The following TTLL9 variants were observed in gnomAD, a reference collection of about 807,000 sequenced individuals.
TTLL9 encodes the protein tubulin tyrosine ligase like 9.
A neutral mutation model predicts 65.6 loss-of-function variants in TTLL9; 47 were observed. The observed-to-expected ratio is 0.72, with a 90% CI of 0.57 to 0.91. The LOEUF (loss-of-function observed/expected upper bound fraction) is 0.91, where lower values mean the gene tolerates loss of function less well. Among genes scored for constraint, TTLL9 ranks in the 40% least tolerant of loss-of-function variants. The probability of loss-of-function intolerance (pLI) is 0.00; values close to 1 mark genes in which losing one functional copy is unlikely to be tolerated. For missense variants in TTLL9, 537 were observed against 568.8 expected (o/e 0.94, Z 0.57); for synonymous variants, 179 against 204.8 (o/e 0.87, Z 1.07).
chr20:31,905,097 G>A (rs757610569), intron 4 of TTLL9, among the ~76,000 whole-genome samples: 4 of 152,096 alleles, frequency 2.6e-5, no homozygotes, highest in African/African-American at 4.8e-5. Context: ...TTGAGATGGA[G>A]TCTCACTCCG....
intron 14 of TTLL9, chr20:31,940,915 G>GT (rs1285685591): frequency 6.6e-6 from 1 of 152,172 alleles, no homozygotes; most frequent in Non-Finnish European, 1.5e-5. Flanking sequence ...CAGTCACTGG[G>GT]TAAGAAAATA....
chr20:31,942,653 A>G (rs1306922533), intron 14 of TTLL9, among the ~76,000 whole-genome samples: 1 of 152,164 alleles, frequency 6.6e-6, no homozygotes, highest in African/African-American at 2.4e-5. Flanking sequence ...ATCCATCCAC[A>G]TTCAGCATCT....
intron 2 of TTLL9, 126 bp downstream of exon 2, chr20:31,871,321 C>A: frequency 1.1e-6 from 1 of 926,686 alleles, no homozygotes; most frequent in Non-Finnish European, 1.7e-6. Flanking sequence ...GCCCTGTTCA[C>A]CTCTGACCTG....
chr20:31,925,625 C>A (rs1242114673), intron 9 of TTLL9, among the ~76,000 whole-genome samples: 1 of 152,106 alleles, frequency 6.6e-6, no homozygotes. Flanking sequence ...GTGTCCAAGA[C>A]AGACTCCACC....
chr20:31,933,611 G>A (rs575626877), intron 10 of TTLL9, among the ~76,000 whole-genome samples, 189 bp from the exon 11 acceptor site: 46 of 152,230 alleles, frequency 3.0e-4, no homozygotes, highest in African/African-American at 1.1e-3. Flanking sequence ...TGGCTTTTCA[G>A]GAGCCCACAG....
chr20:31,927,831 T>C (rs942320887), intron 10 of TTLL9, among the ~76,000 whole-genome samples: 1 of 152,230 alleles, frequency 6.6e-6, no homozygotes, highest in Non-Finnish European at 1.5e-5. Context: ...TTTGCATCTC[T>C]CTGCATTAAT....
chr20:31,923,165 G>A, intron 8 of TTLL9, 112 bp downstream of exon 8: 1 of 804,920 alleles, frequency 1.2e-6, no homozygotes, highest in South Asian at 1.4e-5. Flanking sequence ...AGGCATGAAG[G>A]GATGCATGGA....
chr20:31,890,071 G>C (rs6061019), intron 3 of TTLL9, among the ~76,000 whole-genome samples: 1 of 83,528 alleles, frequency 1.2e-5, no homozygotes, highest in African/African-American at 5.2e-5. Context: ...TTTCTTTCTT[G>C]CTTTCTTGCT....
intron 12 of TTLL9, 126 bp from the exon 13 acceptor site, chr20:31,937,270 A>G: frequency 1.7e-6 from 1 of 599,526 alleles, no homozygotes; most frequent in Non-Finnish European, 3.0e-6. Context: ...AAAAATAGAA[A>G]GGTAGAGAGA....
chr20:31,902,476 T>G (rs189741403), intron 4 of TTLL9, among the ~76,000 whole-genome samples: 159 of 152,058 alleles, frequency 1.0e-3, no homozygotes, highest in African/African-American at 3.2e-3. Flanking sequence ...TGCCTCCCGG[T>G]TTCATGCCCT....
At chr20:31,938,643 C>T (rs749350446) in intron 13 of TTLL9, among the ~76,000 whole-genome samples, 3 of 152,086 alleles carry the variant, frequency 2.0e-5, no homozygotes, top group Non-Finnish European at 2.9e-5. Context: ...TTTGGGAGGC[C>T]GAGGCGGGCA....
chr20:31,871,178 T>C lies in TTLL9; in HGVS notation c.52T>C (p.Cys18Arg). Residue 18 changes from cysteine to arginine, a missense_variant, in exon 2 of 15, where the codon TGC becomes CGC. Around this residue, in one of 3 missense-constraint regions of TTLL9, gnomAD observed 320 missense variants for 311.0 expected, o/e 1.03. Coordinates refer to ENST00000535842, the MANE Select transcript of TTLL9 (RefSeq NM_001008409.5). The part of the protein sequence containing the change: ...LLGPGTTAIR[C>R]PKKLQNQNYK... ...GGGACCAGGCACAACTGCCATTAGG[T>C]GCCCCAAGAAATTACAGGTGAATGT... The C allele has an allele frequency of 6.2e-7, 1 of 1,613,994 alleles. No homozygotes were observed. The highest frequency in any genetic ancestry group is 2.2e-5 in the East Asian group (1 of 44,862).
chr20:31,913,926 C>T (rs933341832), intron 6 of TTLL9, among the ~76,000 whole-genome samples: 4 of 152,180 alleles, frequency 2.6e-5, no homozygotes, highest in Admixed American at 2.0e-4. Context: ...CCTCGTGGTG[C>T]GGGGAGGCGA....
At position 31,919,940 on chromosome 20, in the gene TTLL9, T is replaced by A. The variant is rs1361715740; in HGVS notation, c.573+8T>A. On this transcript the variant is annotated splice_region_variant and intron_variant, in intron 7 of 14. Transcript: ENST00000535842. ...ATCGTGGACTGGAGGAAGGTGAGCC[T>A]GCCTCTTCCCCCTTCCTCCCTGAAC... is the stretch of plus-strand genomic sequence containing the variant. 1.9e-6 allele frequency: 3 copies of A among 1,578,506 alleles called. No individual in the cohort carries two copies. The highest frequency in any genetic ancestry group is 2.6e-6 in the Non-Finnish European group (3 of 1,163,196).
At position 31,943,678 on chromosome 20, in the gene TTLL9, A is replaced by C. The variant is rs1340549472; in HGVS notation, c.*657A>C. ...GGGCATCCCCATTTCTCAGATGGAC[A>C]AGACAGACCAGGGAGGCAGAGCTTA... is the stretch of plus-strand genomic sequence containing the variant. On this transcript the variant is annotated 3_prime_UTR_variant, in exon 15 of 15. Coordinates refer to ENST00000535842, the MANE Select transcript of TTLL9 (RefSeq NM_001008409.5). 2.2e-6 allele frequency: 1 copy of C among 455,706 alleles called. No homozygotes were observed. Among genetic ancestry groups the C allele is most frequent in the Admixed American group, 2.4e-5 (1 of 42,506 alleles). 28.2% of individuals were successfully genotyped at this position (455,706 alleles called of 1,614,324 possible). A position where few individuals can be genotyped will look rare whatever the true frequency, so the allele number is the denominator to read the frequency against.
At chr20:31,880,471 A>G (rs551408383) in intron 2 of TTLL9, among the ~76,000 whole-genome samples, 32 of 151,850 alleles carry the variant, frequency 2.1e-4, no homozygotes, top group Non-Finnish European at 4.3e-4. Context: ...TTACAGTAAA[A>G]TTCAGCTCTC....
At chr20:31,911,841 T>C (rs1373337988) in intron 6 of TTLL9, among the ~76,000 whole-genome samples, 1 of 41,292 alleles carries the variant, frequency 2.4e-5, no homozygotes, top group East Asian at 4.5e-4. Flanking sequence ...CGTGTGTGTG[T>C]GTGTGTGTGT....
At position 31,908,587 on chromosome 20, in the gene TTLL9, C is replaced by T. The variant is rs1192270163; in HGVS notation, c.207-4C>T. 6.2e-7 allele frequency: 1 copy of T among 1,612,454 alleles called. No individual in the cohort carries two copies. The highest frequency in any genetic ancestry group is 1.7e-5 in the Admixed American group (1 of 60,010). Reference sequence around the variant, plus strand: ...CTTTATCCCCGCCCCCACCCCACCCCCAGCGAAGGGGAGTGGGATTTCTAC... The same window carrying T: ...CTTTATCCCCGCCCCCACCCCACCCTCAGCGAAGGGGAGTGGGATTTCTAC... On this transcript the variant is annotated splice_region_variant and splice_polypyrimidine_tract_variant and intron_variant, in intron 4 of 14. Coordinates refer to ENST00000535842, the MANE Select transcript of TTLL9 (RefSeq NM_001008409.5).
chr20:31,918,331 T>C (rs745452243), intron 6 of TTLL9, among the ~76,000 whole-genome samples: 2 of 152,078 alleles, frequency 1.3e-5, no homozygotes, highest in African/African-American at 4.8e-5. Context: ...AGCACTTCTC[T>C]GTTGGTGAAC....
Sources: allele counts gnomAD v4.1 joint callset (sites outside exome capture counted in the v4.1 genomes callset), GRCh38; gene constraint gnomAD v4.1.1; regional missense constraint gnomAD v4.1.1; transcripts MANE v1.5; gene names NCBI Gene and HGNC (gene_info 2026-07-23, HGNC 2026-07-21).